The following TCN2 variants were observed in gnomAD, a reference collection of about 807,000 sequenced individuals.
TCN2 encodes the protein transcobalamin-2.
Under a neutral mutation model 48.6 loss-of-function variants are expected in TCN2, and 34 were observed. The observed-to-expected ratio is 0.70, with a 90% CI of 0.53 to 0.93. The LOEUF (loss-of-function observed/expected upper bound fraction) is 0.93. Among genes scored for constraint, TCN2 ranks in the 40% least tolerant of loss-of-function variants. TCN2 has a pLI of 0.00. For synonymous variants in TCN2, 283 were observed against 212.5 expected, an observed-to-expected ratio of 1.33 and a Z score of -2.89; for missense variants, 652 against 526.1, an observed-to-expected ratio of 1.24 and a Z score of -2.34.
At chr22:30,610,818 C>A (rs1272086463) in intron 1 of TCN2, 53 bp from the exon 2 acceptor site, 2 of 1,603,462 alleles carry the variant, frequency 1.2e-6, no homozygotes, top group Non-Finnish European at 1.7e-6. Flanking sequence ...CAAAGCACTT[C>A]TTTGCTGGTG....
intron 8 of TCN2, among the ~76,000 whole-genome samples, chr22:30,623,943 C>CATATAT (rs1569046916): frequency 9.4e-6 from 1 of 105,946 alleles, no homozygotes; most frequent in Non-Finnish European, 1.9e-5. Context: ...TATATACACA[C>CATATAT]ACACATATGT....
In TCN2 at chr22:30,610,990, A is replaced by G. The variant is rs145474456; in HGVS notation, c.184A>G (p.Ser62Gly). ...PSIYVGLRLS[S>G]LQAGTKEDLY... The stretch of plus-strand genomic sequence containing the variant: ...CATCTATGTGGGCCTACGCCTCTCC[A>G]GTCTGCAGGCTGGGACCAAGGAAGA... Residue 62 changes from serine (S) to glycine (G), a missense_variant, in exon 2 of 9, where the codon AGT becomes GGT. Transcript: ENST00000215838. The G allele has an allele frequency of 1.6e-5, 26 of 1,614,196 alleles. No individual in the cohort carries two copies. In the African/African-American group the frequency reaches 3.5e-4, roughly 22 times the overall value.
At position 30,614,330 on chromosome 22, in the gene TCN2, C is replaced by G. The variant is rs367664771; in HGVS notation, c.428-19C>G. The G allele has an allele frequency of 6.2e-7, 1 of 1,613,730 alleles. No homozygotes were observed. Among genetic ancestry groups the G allele is most frequent in the African/African-American group, 1.3e-5 (1 of 74,918 alleles). On this transcript the variant is annotated intron_variant, in intron 3 of 8. Transcript: ENST00000215838. ...GGGTGGGGGCAGAGAGGCAACCCCT[C>G]TGTTTTTTTCCCTCTCAGGGCATGA...
intron 8 of TCN2, among the ~76,000 whole-genome samples, chr22:30,624,442 T>A (rs1376665378): frequency 1.3e-5 from 2 of 152,080 alleles, no homozygotes; most frequent in Non-Finnish European, 2.9e-5. Flanking sequence ...ACTCCACCCC[T>A]GAAGAACTTT....
At chr22:30,614,950 C>G (rs1248122995) in intron 4 of TCN2, among the ~76,000 whole-genome samples, 1 of 152,108 alleles carries the variant, frequency 6.6e-6, no homozygotes, top group African/African-American at 2.4e-5. Context: ...CCTAGTGATT[C>G]CAATGTGCAG....
Position 30,626,579 on chromosome 22 carries a change from C to G in TCN2, c.*58C>G, listed in dbSNP as rs1294885757. 1 of 1,591,186 alleles carries G rather than the reference C, an allele frequency of 6.3e-7. No homozygotes were observed. Among genetic ancestry groups the G allele is most frequent in the Non-Finnish European group, 8.6e-7 (1 of 1,161,424 alleles). The stretch of plus-strand genomic sequence containing the variant: ...CACTCCCTAGGCTTCTACCCTCCCT[C>G]CTGATGTCCCTGGAACAGGAACTCG... On this transcript the variant is annotated 3_prime_UTR_variant, in exon 9 of 9. Coordinates refer to ENST00000215838, the MANE Select transcript of TCN2 (RefSeq NM_000355.4).
At chr22:30,608,813 A>G (rs1442659780) in intron 1 of TCN2, among the ~76,000 whole-genome samples, 1 of 152,198 alleles carries the variant, frequency 6.6e-6, no homozygotes, top group Admixed American at 6.5e-5. Flanking sequence ...TTCAACCAGC[A>G]AGAGCTCTTC....
intron 7 of TCN2, among the ~76,000 whole-genome samples, chr22:30,619,474 C>T (rs2087665274): frequency 6.6e-5 from 10 of 152,168 alleles, no homozygotes; most frequent in African/African-American, 2.4e-5. Flanking sequence ...TGCTTCTCAC[C>T]CTGAGCTTAG....
At chr22:30,626,182 G>A (rs544640423) in intron 8 of TCN2, among the ~76,000 whole-genome samples, 3 of 152,144 alleles carry the variant, frequency 2.0e-5, no homozygotes, top group Non-Finnish European at 4.4e-5. Flanking sequence ...ACTGCACTGC[G>A]CAAGTTTCTC....
In TCN2 at chr22:30,626,450, G is replaced by GT; in HGVS notation, c.1223-7dup. 1 of 1,614,132 alleles carries GT rather than the reference G, an allele frequency of 6.2e-7. No individual in the cohort carries two copies. The highest frequency in any genetic ancestry group is 1.1e-5 in the South Asian group (1 of 91,084). On this transcript the variant is annotated splice_polypyrimidine_tract_variant and intron_variant, in intron 8 of 8. Coordinates refer to ENST00000215838, the MANE Select transcript of TCN2 (RefSeq NM_000355.4). ...CAATTCGCCCCTCCTTGCTCAATCT[G>GT]TTTCTGCAGGTATTGCTGACTACAG...
chr22:30,618,907 C>T (rs894248628), intron 7 of TCN2, among the ~76,000 whole-genome samples: 3 of 152,092 alleles, frequency 2.0e-5, no homozygotes, highest in African/African-American at 7.2e-5. Context: ...GTAGCTGGGA[C>T]TATGGGCATG....
At chr22:30,622,354 T>G (rs1231925388) in intron 7 of TCN2, among the ~76,000 whole-genome samples, 1 of 152,158 alleles carries the variant, frequency 6.6e-6, no homozygotes, top group Non-Finnish European at 1.5e-5. Flanking sequence ...AAACTCAAAG[T>G]TGAAGGCCAG....
At chr22:30,623,779 T>TACAC (rs1569046376) in intron 8 of TCN2, among the ~76,000 whole-genome samples, 1 of 38,292 alleles carries the variant, frequency 2.6e-5, no homozygotes, top group African/African-American at 2.4e-4. Context: ...TACACACATA[T>TACAC]ATATGTATAC....
At chr22:30,623,711 T>C (rs368918623) in intron 8 of TCN2, among the ~76,000 whole-genome samples, 3 of 118,514 alleles carry the variant, frequency 2.5e-5, no homozygotes, top group Non-Finnish European at 5.1e-5. Flanking sequence ...TATATATATA[T>C]ACAGACACAC....
chr22:30,619,749 CA>C (rs1391363686), intron 7 of TCN2, among the ~76,000 whole-genome samples: 1 of 152,220 alleles, frequency 6.6e-6, no homozygotes, highest in Non-Finnish European at 1.5e-5. Flanking sequence ...TAGAGAATCT[CA>C]GACCGGAGAA....
At chr22:30,617,269 G>C (rs187950630) in intron 6 of TCN2, 61 bp from the exon 7 acceptor site, 2 of 1,610,956 alleles carry the variant, frequency 1.2e-6, no homozygotes, top group African/African-American at 2.7e-5. Flanking sequence ...AAGACAAGAA[G>C]ACAAATAATC....
chr22:30,607,354 T>G lies in TCN2; in HGVS notation c.23T>G (p.Leu8Arg), dbSNP rs2087467995. 1 of 1,614,070 alleles carries G rather than the reference T, an allele frequency of 6.2e-7. No homozygotes were observed. The highest frequency in any genetic ancestry group is 1.3e-5 in the African/African-American group (1 of 74,930). The change falls in exon 1 of 9, where the codon CTC becomes CGC. Residue 8 changes from leucine (L) to arginine (R), a missense_variant. By Grantham distance (102) the Leu-to-Arg change is moderately radical (BLOSUM62 -2). Coordinates refer to ENST00000215838, the MANE Select transcript of TCN2 (RefSeq NM_000355.4). ...GCCATGAGGCACCTTGGGGCCTTCCTCTTCCTTCTGGGGGTCCTGGGGGCC... is the reference window on the plus strand; with the variant it reads ...GCCATGAGGCACCTTGGGGCCTTCCGCTTCCTTCTGGGGGTCCTGGGGGCC... MRHLGAF[L>R]FLLGVLGALT...
intron 1 of TCN2, among the ~76,000 whole-genome samples, chr22:30,609,730 C>A (rs566837178): frequency 2.6e-4 from 39 of 152,260 alleles, no homozygotes; most frequent in Non-Finnish European, 4.6e-4. Flanking sequence ...AAAAAAGCAA[C>A]CCCCCAGTCT....
chr22:30,611,049 G>A lies in TCN2; in HGVS notation c.243G>A (p.Gln81=). 1 of 1,614,004 alleles carries A rather than the reference G, an allele frequency of 6.2e-7. No individual in the cohort carries two copies. The highest frequency in any genetic ancestry group is 8.5e-7 in the Non-Finnish European group (1 of 1,179,944). The part of the protein sequence containing the change: ...LYLHSLKLGY[Q]QCLLGSAFSE... ...TGCACAGCCTCAAGCTTGGTTACCA[G>A]CAGTGCCTCCTAGGGTATTGCCACA... Residue 81 remains glutamine, a synonymous_variant, in exon 2 of 9, where the codon CAG becomes CAA. Transcript: ENST00000215838.
Sources: allele counts gnomAD v4.1 joint callset (sites outside exome capture counted in the v4.1 genomes callset), GRCh38; gene constraint gnomAD v4.1.1; transcripts MANE v1.5; gene names NCBI Gene and HGNC (gene_info 2026-07-23, HGNC 2026-07-21).